The following MTMR8 variants were observed in gnomAD, a reference collection of about 807,000 sequenced individuals.
The protein encoded by MTMR8 is myotubularin related protein 8, also known as phosphatidylinositol-3,5-bisphosphate 3-phosphatase MTMR8.
Under a neutral mutation model 39.3 loss-of-function variants are expected in MTMR8, and 65 were observed. The observed-to-expected ratio is 1.65, with a 90% CI of 1.35 to 2.03. The LOEUF is 2.03. Among genes scored for constraint, MTMR8 ranks in the 30% most tolerant of loss-of-function variants. MTMR8 has a pLI of 0.00. For synonymous variants in MTMR8, 245 were observed against 185.2 expected, an observed-to-expected ratio of 1.32 and a Z score of -2.62; for missense variants, 777 against 538.9, an observed-to-expected ratio of 1.44 and a Z score of -4.37.
At chrX:64,362,837 A>T (rs1296684650) in intron 1 of MTMR8, among the ~76,000 whole-genome samples, 1 of 88,913 alleles carries the variant, frequency 1.1e-5, no homozygotes, top group Non-Finnish European at 1.9e-5. Flanking sequence ...CACTCCTAAA[A>T]CTAACAAGGA....
chrX:64,366,141 G>A (rs893061644), intron 1 of MTMR8, among the ~76,000 whole-genome samples: 4 of 111,036 alleles, frequency 3.6e-5, no homozygotes, highest in Admixed American at 9.6e-5. Context: ...ACTTAGACTC[G>A]CACACAATAA....
chrX:64,349,913 T>C, intron 5 of MTMR8, 29 bp downstream of exon 5: 1 of 1,095,119 alleles, frequency 9.1e-7, no homozygotes, highest in East Asian at 3.4e-5. Flanking sequence ...CCATGTTTAA[T>C]TATCATTAGA....
At chrX:64,287,293 C>T (rs1921218946) in intron 12 of MTMR8, among the ~76,000 whole-genome samples, 1 of 110,926 alleles carries the variant, frequency 9.0e-6, no homozygotes, top group African/African-American at 3.3e-5. Flanking sequence ...AACTACAAAC[C>T]ACTGCTCAAC....
intron 1 of MTMR8, among the ~76,000 whole-genome samples, chrX:64,375,632 T>C (rs1924249099): frequency 9.0e-6 from 1 of 111,107 alleles, no homozygotes; most frequent in African/African-American, 3.3e-5. Context: ...TTAGTGCTCT[T>C]ATGAAAGAGG....
intron 1 of MTMR8, among the ~76,000 whole-genome samples, chrX:64,385,942 C>A (rs1455019055): frequency 9.0e-6 from 1 of 111,085 alleles, no homozygotes; most frequent in Non-Finnish European, 1.9e-5. Flanking sequence ...CAGACCAAAC[C>A]AATAGGGAGT....
intron 1 of MTMR8, among the ~76,000 whole-genome samples, chrX:64,392,642 G>C (rs763671693): frequency 1.8e-5 from 2 of 110,615 alleles, no homozygotes; most frequent in Non-Finnish European, 3.8e-5. Context: ...GGTTGCACAG[G>C]TGTGTCCAGT....
chrX:64,338,300 C>A (rs1290737046), intron 8 of MTMR8, among the ~76,000 whole-genome samples: 3 of 112,054 alleles, frequency 2.7e-5, no homozygotes, highest in East Asian at 5.6e-4. Flanking sequence ...CACTTAAATG[C>A]ATGACTGCAA....
chrX:64,293,670 T>G (rs1179591056), intron 12 of MTMR8, among the ~76,000 whole-genome samples: 2 of 111,189 alleles, frequency 1.8e-5, no homozygotes, highest in African/African-American at 6.5e-5. Context: ...TTAACTGTAG[T>G]TTGGCTCTAC....
chrX:64,285,261 A>G (rs1233278453), intron 12 of MTMR8, among the ~76,000 whole-genome samples: 34 of 112,042 alleles, frequency 3.0e-4, no homozygotes, highest in African/African-American at 1.0e-3. Context: ...TCAATTCAAC[A>G]AGAAGAGCTA....
rs1210373109 is a variant in MTMR8 at position 64,305,891 on chromosome X, G to T, written c.1481+22881C>A. 1.6e-5 allele frequency: 4 copies of T among 247,991 alleles called. No individual in the cohort carries two copies. In the Admixed American group the frequency reaches 2.1e-4, roughly 13 times the overall value. 20.4% of individuals were successfully genotyped at this position (247,991 alleles called of 1,213,427 possible). On this transcript the variant is annotated intron_variant, in intron 12 of 13. Coordinates refer to ENST00000374852, the MANE Select transcript of MTMR8 (RefSeq NM_017677.4). ...AGCACTTTGGGAGGCTGAGGCAGGA[G>T]GATTCTTGAGTCCAGGAGTTAGAGA...
intron 12 of MTMR8, among the ~76,000 whole-genome samples, chrX:64,295,602 T>A (rs1440387759): frequency 9.0e-6 from 1 of 111,677 alleles, no homozygotes; most frequent in Non-Finnish European, 1.9e-5. Context: ...AGAGAATTCC[T>A]AAAACTCAAC....
intron 1 of MTMR8, among the ~76,000 whole-genome samples, chrX:64,386,615 A>T (rs1215605938): frequency 8.9e-6 from 1 of 112,314 alleles, no homozygotes; most frequent in African/African-American, 3.2e-5. Context: ...CTACAGCAAG[A>T]GAACCATGGG....
chrX:64,301,754 C>T (rs775182251), intron 12 of MTMR8, among the ~76,000 whole-genome samples: 75 of 111,415 alleles, frequency 6.7e-4, no homozygotes, highest in South Asian at 1.5e-3. Context: ...GATGGGTTTT[C>T]GGTGTGGATG....
intron 1 of MTMR8, among the ~76,000 whole-genome samples, chrX:64,388,903 T>C (rs1238549726): frequency 8.9e-6 from 1 of 111,806 alleles, no homozygotes; most frequent in African/African-American, 3.3e-5. Flanking sequence ...AAACAAATTA[T>C]CTTGTGGGAC....
chrX:64,319,629 C>T (rs1395523330), intron 12 of MTMR8, among the ~76,000 whole-genome samples: 1 of 111,710 alleles, frequency 9.0e-6, no homozygotes. Context: ...TATGGCTAGC[C>T]AGTTTTCCCA....
intron 1 of MTMR8, chrX:64,360,219 T>C: frequency 6.6e-6 from 1 of 151,506 alleles, no homozygotes; most frequent in Non-Finnish European, 1.3e-5. Flanking sequence ...TAAATAGAAT[T>C]TACGTGACAA....
At chrX:64,368,307 C>T (rs933800568) in intron 1 of MTMR8, among the ~76,000 whole-genome samples, 4 of 111,706 alleles carry the variant, frequency 3.6e-5, no homozygotes, top group African/African-American at 6.5e-5. Flanking sequence ...CCAAGACAAT[C>T]GTAAGCAGAA....
chrX:64,356,694 T>G (rs975280873), intron 2 of MTMR8, among the ~76,000 whole-genome samples: 45 of 111,316 alleles, frequency 4.0e-4, no homozygotes, highest in Non-Finnish European at 1.9e-4. Flanking sequence ...ACAGGAATTT[T>G]TTTTCTTATA....
rs760187393 is a variant in MTMR8 at position 64,350,407 on chromosome X, G to A, written c.469-337C>T. 6.3e-5 allele frequency among the ~76,000 whole-genome samples: 7 copies of A among 111,334 alleles called. No homozygotes were observed. In the East Asian group the frequency reaches 1.1e-3, roughly 18 times the overall value. On this transcript the variant is annotated intron_variant, in intron 4 of 13. Transcript: ENST00000374852. ...ATTGTTTTTGCTCTGATATGCACACGTAGGAATTTCAACATGGGGTTTTAT... is the reference window on the plus strand; with the variant it reads ...ATTGTTTTTGCTCTGATATGCACACATAGGAATTTCAACATGGGGTTTTAT...
Sources: gnomAD v4.1 joint callset for allele counts (sites outside exome capture counted in the v4.1 genomes callset) on GRCh38, gnomAD v4.1.1 for gene constraint, MANE v1.5 for transcripts, NCBI Gene and HGNC (gene_info 2026-07-23, HGNC 2026-07-21) for gene names.